The following DLGAP1 variants were observed in gnomAD, a reference collection of about 807,000 sequenced individuals.
The protein encoded by DLGAP1 is disks large-associated protein 1.
Under a neutral mutation model 90.8 loss-of-function variants are expected in DLGAP1, and 11 were observed. The observed-to-expected ratio is 0.12, with a 90% CI of 0.08 to 0.20. The LOEUF (loss-of-function observed/expected upper bound fraction) is 0.20. Ranked by LOEUF, DLGAP1 falls within the 10% of genes least tolerant of loss-of-function variation. DLGAP1 has a pLI of 1.00. For synonymous variants in DLGAP1, 558 were observed against 540.7 expected (o/e 1.03, Z -0.44); for missense variants, 1,050 against 1,333.8 (o/e 0.79, Z 3.31).
intron 9 of DLGAP1, among the ~76,000 whole-genome samples, chr18:3,552,781 C>G (rs952721046): frequency 5.3e-5 from 8 of 152,226 alleles, no homozygotes; most frequent in African/African-American, 1.7e-4. Context: ...GACTTTTTAG[C>G]TCCATCTTCA....
intron 2 of DLGAP1, among the ~76,000 whole-genome samples, chr18:4,040,386 TTATAA>T (rs2074956464): frequency 6.6e-6 from 1 of 152,224 alleles, no homozygotes; most frequent in African/African-American, 2.4e-5. Context: ...TTGATGAAAC[TTATAA>T]TAGATAAATA....
At chr18:3,976,430 A>G (rs1218165203) in intron 3 of DLGAP1, among the ~76,000 whole-genome samples, 1 of 152,054 alleles carries the variant, frequency 6.6e-6, no homozygotes, top group Non-Finnish European at 1.5e-5. Context: ...TAAGGAAAAT[A>G]TAGAGAATAG....
At chr18:3,931,434 G>A (rs2072513375) in intron 3 of DLGAP1, among the ~76,000 whole-genome samples, 2 of 152,142 alleles carry the variant, frequency 1.3e-5, no homozygotes, top group Admixed American at 6.5e-5. Context: ...GTGGAAAATG[G>A]TCAGATGGTG....
intron 1 of DLGAP1, among the ~76,000 whole-genome samples, chr18:4,161,045 T>A (rs74405635): frequency 5.3e-5 from 8 of 149,724 alleles, no homozygotes; most frequent in Admixed American, 1.3e-4. Context: ...TTTTTTTTTT[T>A]AATGGCTGAA....
chr18:3,527,548 TGA>T (rs2051722603), intron 10 of DLGAP1, among the ~76,000 whole-genome samples: 2 of 151,856 alleles, frequency 1.3e-5, no homozygotes, highest in African/African-American at 4.8e-5. Flanking sequence ...TGCCTATTTC[TGA>T]GTTTTTGTTT....
chr18:4,155,137 AG>A (rs879716667), intron 1 of DLGAP1, among the ~76,000 whole-genome samples: 7 of 151,966 alleles, frequency 4.6e-5, no homozygotes, highest in Non-Finnish European at 7.4e-5. Flanking sequence ...ATGCCAGAGA[AG>A]GGTGTTCCAG....
chr18:4,027,503 C>CAAAAAAAAAAAAA (rs59592467), intron 2 of DLGAP1, among the ~76,000 whole-genome samples: 5 of 55,608 alleles, frequency 9.0e-5, no homozygotes, highest in Non-Finnish European at 1.2e-4. Flanking sequence ...GACTCCGTCT[C>CAAAAAAAAAAAAA]AAAAAAAAAA....
At chr18:3,861,420 C>T (rs573036266) in intron 4 of DLGAP1, among the ~76,000 whole-genome samples, 2 of 152,210 alleles carry the variant, frequency 1.3e-5, no homozygotes, top group African/African-American at 4.8e-5. Context: ...TTGTTAGTGA[C>T]CCCTTATTTC....
chr18:3,866,172 C>T (rs2148767885), intron 4 of DLGAP1, among the ~76,000 whole-genome samples: 1 of 152,284 alleles, frequency 6.6e-6, no homozygotes, highest in Non-Finnish European at 1.5e-5. Context: ...GGATCAATTG[C>T]TGTCTTTTTA....
intron 2 of DLGAP1, among the ~76,000 whole-genome samples, chr18:4,051,221 C>T (rs563243565): frequency 6.6e-6 from 1 of 152,168 alleles, no homozygotes; most frequent in Non-Finnish European, 1.5e-5. Context: ...TTCTATTTAC[C>T]TTGTGATATG....
chr18:4,370,456 T>C (rs533618885), intron 1 of DLGAP1, among the ~76,000 whole-genome samples: 1 of 152,344 alleles, frequency 6.6e-6, no homozygotes, highest in Non-Finnish European at 1.5e-5. Context: ...CTGAGATCAC[T>C]TGGGCAAAGC....
intron 5 of DLGAP1, among the ~76,000 whole-genome samples, chr18:3,785,984 T>A (rs1038709717): frequency 6.6e-6 from 1 of 152,186 alleles, no homozygotes; most frequent in Non-Finnish European, 1.5e-5. Flanking sequence ...GCTGTGGCCC[T>A]TTCTTACATC....
At chr18:3,732,435 AT>A (rs2062470165) in intron 6 of DLGAP1, among the ~76,000 whole-genome samples, 1 of 152,046 alleles carries the variant, frequency 6.6e-6, no homozygotes, top group Admixed American at 6.5e-5. Context: ...TCTCTTTCAC[AT>A]TACTTGTTTA....
intron 1 of DLGAP1, among the ~76,000 whole-genome samples, chr18:4,404,876 T>C (rs531947466): frequency 6.6e-6 from 1 of 152,128 alleles, no homozygotes; most frequent in African/African-American, 2.4e-5. Flanking sequence ...ACAAAAATAA[T>C]AACAACAAAA....
At chr18:4,406,302 C>T (rs147942687) in intron 1 of DLGAP1, among the ~76,000 whole-genome samples, 323 of 152,218 alleles carry the variant, frequency 2.1e-3, no homozygotes, top group African/African-American at 7.5e-3. Context: ...GGCAGTAACC[C>T]CTGGTCCTAT....
chr18:4,034,034 G>GC (rs796953397), intron 2 of DLGAP1, among the ~76,000 whole-genome samples: 2,244 of 127,366 alleles, frequency 0.018, 109 homozygotes, highest in African/African-American at 0.06. Flanking sequence ...ACCGCGCCCG[G>GC]CCCTTTTTTT....
intron 4 of DLGAP1, among the ~76,000 whole-genome samples, chr18:3,825,110 C>T (rs1315222690): frequency 2.6e-5 from 4 of 152,158 alleles, no homozygotes; most frequent in South Asian, 2.1e-4. Context: ...GAGTATGATA[C>T]ACTCAATAGT....
At chr18:4,070,404 A>G (rs755394358) in intron 2 of DLGAP1, among the ~76,000 whole-genome samples, 2 of 152,152 alleles carry the variant, frequency 1.3e-5, no homozygotes, top group Non-Finnish European at 2.9e-5. Flanking sequence ...CAGAGTGCTC[A>G]CTATTACACC....
At chr18:3,935,957 A>G (rs566064680) in intron 3 of DLGAP1, among the ~76,000 whole-genome samples, 13 of 152,142 alleles carry the variant, frequency 8.5e-5, no homozygotes, top group Non-Finnish European at 4.4e-5. Flanking sequence ...CAAACCCCCA[A>G]TGTTGGCTTC....
Sources: allele counts gnomAD v4.1 joint callset (sites outside exome capture counted in the v4.1 genomes callset), GRCh38; gene constraint gnomAD v4.1.1; transcripts MANE v1.5; gene names NCBI Gene and HGNC (gene_info 2026-07-23, HGNC 2026-07-21).